ITGB8: variants seen among roughly 807,000 people sequenced by gnomAD.
ITGB8 encodes integrin beta-8.
ITGB8 carries 30 observed loss-of-function variants against 89.5 expected under a neutral mutation model. The observed-to-expected ratio is 0.34, with a 90% CI of 0.25 to 0.45. The LOEUF (loss-of-function observed/expected upper bound fraction) is 0.45, where lower values mean the gene tolerates loss of function less well. ITGB8 is among the 20% of genes least tolerant of loss of function. The pLI is 1.00. For synonymous variants in ITGB8, 335 were observed against 320.4 expected (o/e 1.05, Z -0.49); for missense variants, 836 against 933.3 (o/e 0.90, Z 1.36).
chr7:20,364,114 A>G (rs1785604573), intron 2 of ITGB8, among the ~76,000 whole-genome samples: 1 of 152,174 alleles, frequency 6.6e-6, no homozygotes, highest in East Asian at 1.9e-4. Flanking sequence ...CTACCAAGAG[A>G]AACGAATCCT....
At chr7:20,370,216 A>T (rs1337231667) in intron 3 of ITGB8, among the ~76,000 whole-genome samples, 2 of 151,926 alleles carry the variant, frequency 1.3e-5, no homozygotes, top group African/African-American at 4.8e-5. Context: ...TCTAATTAAG[A>T]AAAGAGGGCA....
chr7:20,406,043 C>T lies in ITGB8; in HGVS notation c.1914-19C>T, dbSNP rs372517911. On this transcript the variant is annotated intron_variant, in intron 11 of 13. Coordinates refer to ENST00000222573, the MANE Select transcript of ITGB8 (RefSeq NM_002214.3). ...CCTTTTTAAAGAATAAATATTTTCACTTCTGTTTCCCCTTGCAGGAATTGT... is the reference window on the plus strand; with the variant it reads ...CCTTTTTAAAGAATAAATATTTTCATTTCTGTTTCCCCTTGCAGGAATTGT... The T allele has an allele frequency of 1.9e-5, 27 of 1,406,866 alleles. No homozygotes were observed. The African/African-American group carries it at 3.1e-4, about 16-fold the overall frequency. 87.1% of individuals were successfully genotyped at this position (1,406,866 alleles called of 1,614,324 possible). A position where few individuals can be genotyped will look rare whatever the true frequency, so the allele number is the denominator to read the frequency against.
chr7:20,347,050 G>A (rs1473481815), intron 1 of ITGB8, among the ~76,000 whole-genome samples: 5 of 152,136 alleles, frequency 3.3e-5, no homozygotes, highest in African/African-American at 4.8e-5. Context: ...GTGGGAACTC[G>A]TCTGTCCCTT....
At chr7:20,337,567 T>C (rs912817120) in intron 1 of ITGB8, among the ~76,000 whole-genome samples, 2 of 152,240 alleles carry the variant, frequency 1.3e-5, no homozygotes, top group Admixed American at 6.5e-5. Flanking sequence ...TATACTGTTA[T>C]TCCCATTGTA....
intron 6 of ITGB8, among the ~76,000 whole-genome samples, chr7:20,385,649 T>G (rs1786578977): frequency 6.6e-6 from 1 of 152,218 alleles, no homozygotes; most frequent in African/African-American, 2.4e-5. Context: ...TCATGCAACT[T>G]TAACATGTAC....
intron 1 of ITGB8, among the ~76,000 whole-genome samples, chr7:20,348,176 G>A (rs1309281775): frequency 6.6e-6 from 1 of 152,162 alleles, no homozygotes. Context: ...GAGTTCTTAT[G>A]GATTTGATAA....
rs1268157375 is a variant in ITGB8 at position 20,380,704 on chromosome 7, T to A, written c.674T>A (p.Ile225Asn). The A allele has an allele frequency of 6.2e-7, 1 of 1,613,632 alleles. No homozygotes were observed. The highest frequency in any genetic ancestry group is 8.5e-7 in the Non-Finnish European group (1 of 1,179,548). ...NLDCMPPHGYIHVLSLTENIT... is the reference protein window; with the variant it reads ...NLDCMPPHGYNHVLSLTENIT... Reference sequence around the variant, plus strand: ...GACTGCATGCCTCCCCATGGATACATCCATGTGCTGTCTTTGACAGAGAAC... The same window carrying A: ...GACTGCATGCCTCCCCATGGATACAACCATGTGCTGTCTTTGACAGAGAAC... The change falls in exon 5 of 14, where the codon ATC (isoleucine) becomes AAC (asparagine). Residue 225 changes from isoleucine to asparagine, a missense_variant. Around this residue, in one of 5 missense-constraint regions of ITGB8, gnomAD observed 192 missense variants for 267.1 expected, o/e 0.72. Transcript: ENST00000222573.
At chr7:20,347,960 G>C (rs755177033) in intron 1 of ITGB8, among the ~76,000 whole-genome samples, 23 of 152,178 alleles carry the variant, frequency 1.5e-4, no homozygotes, top group Non-Finnish European at 3.2e-4. Flanking sequence ...AGTGCTAGTT[G>C]CTAAATGTAA....
At chr7:20,354,666 G>C (rs1785229239) in intron 1 of ITGB8, among the ~76,000 whole-genome samples, 1 of 152,156 alleles carries the variant, frequency 6.6e-6, no homozygotes, top group Non-Finnish European at 1.5e-5. Context: ...GGCTGCTGCA[G>C]GTCTGGACAT....
chr7:20,354,355 T>A (rs1785217154), intron 1 of ITGB8, among the ~76,000 whole-genome samples: 1 of 152,228 alleles, frequency 6.6e-6, no homozygotes, highest in South Asian at 2.1e-4. Context: ...TCACATAAAG[T>A]AATTTTATGC....
At chr7:20,387,512 T>G (rs1283045199) in intron 6 of ITGB8, among the ~76,000 whole-genome samples, 1 of 152,206 alleles carries the variant, frequency 6.6e-6, no homozygotes, top group Non-Finnish European at 1.5e-5. Context: ...GAGCCAGAAG[T>G]TGAAGCCCAG....
upstream of ITGB8, chr7:20,329,797 G>C: frequency 6.6e-6 from 1 of 152,128 alleles, no homozygotes; most frequent in East Asian, 1.9e-4. Flanking sequence ...AGGGAAAAGA[G>C]AACCATCACC....
intron 6 of ITGB8, among the ~76,000 whole-genome samples, chr7:20,386,405 ATTTTTTTT>A (rs759304002): frequency 1.2e-5 from 1 of 80,370 alleles, no homozygotes; most frequent in Non-Finnish European, 2.2e-5. Context: ...CACCTGGCTA[ATTTTTTTT>A]TTTTTTTTTT....
chr7:20,364,109 A>G (rs1291124171), intron 2 of ITGB8, among the ~76,000 whole-genome samples: 2 of 152,220 alleles, frequency 1.3e-5, no homozygotes, highest in African/African-American at 4.8e-5. Context: ...CTGTTCTACC[A>G]AGAGAAACGA....
chr7:20,331,842 A>G lies in ITGB8; in HGVS notation c.36A>G (p.Ala12=). Reference sequence around the variant, plus strand: ...CGGCCCTGGCTTTTTTTACCGCTGCATTTGTCTGCCTGCAAAACGACCGGC... The same window carrying G: ...CGGCCCTGGCTTTTTTTACCGCTGCGTTTGTCTGCCTGCAAAACGACCGGC... The part of the protein sequence containing the change: ...CGSALAFFTA[A]FVCLQNDRRG... The change falls in exon 1 of 14, where the codon GCA becomes GCG. Residue 12 remains alanine, a synonymous_variant. Transcript: ENST00000222573. 2.5e-6 allele frequency: 4 copies of G among 1,613,556 alleles called. No individual in the cohort carries two copies. The highest frequency in any genetic ancestry group is 2.5e-6 in the Non-Finnish European group (3 of 1,179,974).
intron 1 of ITGB8, among the ~76,000 whole-genome samples, chr7:20,358,104 T>C (rs2128134572): frequency 6.6e-6 from 1 of 152,308 alleles, no homozygotes; most frequent in Admixed American, 6.5e-5. Flanking sequence ...TAGCTGGGAC[T>C]ACAGGTGTGT....
intron 1 of ITGB8, among the ~76,000 whole-genome samples, chr7:20,358,877 A>G (rs1461715687): frequency 6.6e-6 from 1 of 152,162 alleles, no homozygotes; most frequent in African/African-American, 2.4e-5. Flanking sequence ...TTCACCCTCT[A>G]GTAGTTGTCA....
intron 6 of ITGB8, among the ~76,000 whole-genome samples, chr7:20,383,867 G>A (rs531801408): frequency 6.6e-6 from 1 of 152,270 alleles, no homozygotes; most frequent in African/African-American, 2.4e-5. Context: ...TGTCACTGCT[G>A]TAGTATATTG....
rs1787324556 is a variant in ITGB8 at position 20,401,851 on chromosome 7, G to A, written c.1412G>A (p.Cys471Tyr). 1.9e-6 allele frequency: 3 copies of A among 1,614,058 alleles called. No individual in the cohort carries two copies. The highest frequency in any genetic ancestry group is 1.7e-6 in the Non-Finnish European group (2 of 1,179,986). ...ATACACAGAAACTGCAGCTGTCAGT[G>A]TGAGGACAACAGAGGACCTAAAGGA... ...IHIHRNCSCQ[C>Y]EDNRGPKGKC... Residue 471 changes from cysteine (C) to tyrosine (Y), a missense_variant, in exon 10 of 14, where the codon TGT (cysteine) becomes TAT (tyrosine). This residue lies in a region of ITGB8 where 422 missense variants were observed against 416.9 expected (regional missense o/e 1.01). Transcript: ENST00000222573.
Sources: gnomAD v4.1 joint callset for allele counts (sites outside exome capture counted in the v4.1 genomes callset) on GRCh38, gnomAD v4.1.1 for gene constraint, gnomAD v4.1.1 regional missense constraint, MANE v1.5 for transcripts, NCBI Gene and HGNC (gene_info 2026-07-23, HGNC 2026-07-21) for gene names.